Variants in NUBP1 observed in about 807,000 individuals in gnomAD.
The protein encoded by NUBP1 is NUBP iron-sulfur cluster assembly factor 1, cytosolic, also known as cytosolic Fe-S cluster assembly factor NUBP1.
Under a neutral mutation model 41.8 loss-of-function variants are expected in NUBP1, and 46 were observed. That is an observed-to-expected ratio of 1.10 (90% CI 0.87 to 1.41). The LOEUF is 1.41. Among genes scored for constraint, NUBP1 ranks in the 40% most tolerant of loss-of-function variants. NUBP1 has a pLI of 0.00. For missense variants in NUBP1, 494 were observed against 414.0 expected (o/e 1.19, Z -1.68); for synonymous variants, 189 against 154.6 (o/e 1.22, Z -1.65).
At chr16:10,764,662 T>C (rs927793843) in intron 9 of NUBP1, among the ~76,000 whole-genome samples, 2 of 151,000 alleles carry the variant, frequency 1.3e-5, no homozygotes, top group South Asian at 2.1e-4. Context: ...TGTCAGTCTA[T>C]TGGAGCATCT....
chr16:10,764,699 G>A (rs1361918840), intron 9 of NUBP1, among the ~76,000 whole-genome samples: 1 of 151,596 alleles, frequency 6.6e-6, no homozygotes, highest in Non-Finnish European at 1.5e-5. Context: ...GTCTATTGGA[G>A]CATCTCAGTC....
chr16:10,746,605 G>T (rs1391090984), intron 2 of NUBP1, among the ~76,000 whole-genome samples: 2 of 152,144 alleles, frequency 1.3e-5, no homozygotes, highest in Non-Finnish European at 2.9e-5. Context: ...GCCAGGCATG[G>T]TGGCAGGCAC....
Position 10,761,354 on chromosome 16 carries a change from A to C in NUBP1, c.607-10A>C. ...TGATGCTGGAATCACTGGTCTTTTC[A>C]CCTTCGTAGGAGGTGTCACTCCAGG... On this transcript the variant is annotated splice_polypyrimidine_tract_variant and intron_variant, in intron 7 of 10. Transcript: ENST00000283027. The C allele has an allele frequency of 6.2e-7, 1 of 1,612,932 alleles. No homozygotes were observed.
chr16:10,760,269 C>T (rs1900851826), intron 7 of NUBP1, among the ~76,000 whole-genome samples: 1 of 152,246 alleles, frequency 6.6e-6, no homozygotes. Context: ...GCCACTGTGG[C>T]ATGAAGCAGC....
Position 10,749,029 on chromosome 16 carries a change from C to T in NUBP1, c.258+1753C>T, listed in dbSNP as rs1309290693. Among the ~76,000 whole-genome samples the T allele has an allele frequency of 4.0e-5, 6 of 151,298 alleles. No individual in the cohort carries two copies. The highest frequency in any genetic ancestry group is 1.5e-4 in the African/African-American group (6 of 41,130). ...TCGTTTGAACCCAGGAGGCGGAGGT[C>T]GCGGTGGGCCAAGATTGCCCTACTG... is the stretch of plus-strand genomic sequence containing the variant. On this transcript the variant is annotated intron_variant, in intron 3 of 10. Coordinates refer to ENST00000283027, the MANE Select transcript of NUBP1 (RefSeq NM_002484.4). This position sits in a 1 kb window ranked among gnomAD's most constrained non-coding sequence, Gnocchi z 4.1.
At chr16:10,760,640 G>A (rs1048365784) in intron 7 of NUBP1, among the ~76,000 whole-genome samples, 4 of 152,208 alleles carry the variant, frequency 2.6e-5, no homozygotes, top group Non-Finnish European at 4.4e-5. Flanking sequence ...TGGAGGCTGA[G>A]GCAGGAGGAT....
chr16:10,761,801 C>G lies in NUBP1; in HGVS notation c.762C>G (p.Leu254=). The change falls in exon 9 of 11, where the codon CTC becomes CTG. Residue 254 remains leucine, a synonymous_variant. Coordinates refer to ENST00000283027, the MANE Select transcript of NUBP1 (RefSeq NM_002484.4). ...IFPPTTGGAE[L]MCQDLEVPLL... ...CTCCCACAACCGGGGGCGCGGAGCT[C>G]ATGTGCCAGGACTTGGAGGTCCCTC... 6.2e-7 allele frequency: 1 copy of G among 1,614,092 alleles called. No homozygotes were observed. Among genetic ancestry groups the G allele is most frequent in the African/African-American group, 1.3e-5 (1 of 75,048 alleles).
In NUBP1 at chr16:10,765,634, C is replaced by T. The variant is rs1035993316; in HGVS notation, c.821-2315C>T. 6.6e-5 allele frequency among the ~76,000 whole-genome samples: 10 copies of T among 152,318 alleles called. No individual in the cohort carries two copies. Among genetic ancestry groups the T allele is most frequent in the African/African-American group, 2.2e-4 (9 of 41,564 alleles). On this transcript the variant is annotated intron_variant, in intron 9 of 10. Transcript: ENST00000283027. The surrounding 1 kb of genome is among the most constrained non-coding windows in gnomAD (Gnocchi z 4.0). ...ACCTTGGGGCTATTAGATCCTGATACGGCTTTTCTTCCAAAGAGCCAGCAA... is the reference window on the plus strand; with the variant it reads ...ACCTTGGGGCTATTAGATCCTGATATGGCTTTTCTTCCAAAGAGCCAGCAA...
At chr16:10,762,548 C>T (rs561097766) in intron 9 of NUBP1, among the ~76,000 whole-genome samples, 8 of 152,140 alleles carry the variant, frequency 5.3e-5, no homozygotes, top group African/African-American at 9.7e-5. Context: ...CCCAGGACCG[C>T]GGAGCCGGGC....
intron 2 of NUBP1, among the ~76,000 whole-genome samples, chr16:10,745,776 T>C (rs977099915): frequency 2.6e-5 from 4 of 152,180 alleles, no homozygotes; most frequent in Admixed American, 2.6e-4. Context: ...AAAGAGGGAA[T>C]AAAGGAAGAA....
intron 2 of NUBP1, 33 bp downstream of exon 2, chr16:10,744,098 A>C (rs1250196404): frequency 1.5e-6 from 2 of 1,348,092 alleles, no homozygotes; most frequent in African/African-American, 3.1e-5. Context: ...ACAGGAACTT[A>C]GAGGCGCAGG....
chr16:10,763,607 G>C (rs951241455), intron 9 of NUBP1: 3 of 152,330 alleles, frequency 2.0e-5, no homozygotes, highest in Non-Finnish European at 4.4e-5. Flanking sequence ...TGCCCTCTGA[G>C]GCCCCTGGAG....
In NUBP1 at chr16:10,759,999, A is replaced by G. The variant is rs1264641511; in HGVS notation, c.607-1365A>G. Among the ~76,000 whole-genome samples, 2 of 152,226 alleles carry G rather than the reference A, an allele frequency of 1.3e-5. No homozygotes were observed. Among genetic ancestry groups the G allele is most frequent in the South Asian group, 4.1e-4 (2 of 4,834 alleles). On this transcript the variant is annotated intron_variant, in intron 7 of 10. Coordinates refer to ENST00000283027, the MANE Select transcript of NUBP1 (RefSeq NM_002484.4). The surrounding 1 kb of genome is among the most constrained non-coding windows in gnomAD (Gnocchi z 4.7). Reference sequence around the variant, plus strand: ...TGACAAGCCACAGCAGGACTTGGGTACAGGGATCTGTGATAACATTAACTG... The same window carrying G: ...TGACAAGCCACAGCAGGACTTGGGTGCAGGGATCTGTGATAACATTAACTG...
At position 10,749,512 on chromosome 16, in the gene NUBP1, T is replaced by G. The variant is rs1009507237; in HGVS notation, c.258+2236T>G. Among the ~76,000 whole-genome samples the G allele has an allele frequency of 6.6e-6, 1 of 152,206 alleles. No homozygotes were observed. Among genetic ancestry groups the G allele is most frequent in the Non-Finnish European group, 1.5e-5 (1 of 68,034 alleles). On this transcript the variant is annotated intron_variant, in intron 3 of 10. Coordinates refer to ENST00000283027, the MANE Select transcript of NUBP1 (RefSeq NM_002484.4). This position sits in a 1 kb window ranked among gnomAD's most constrained non-coding sequence, Gnocchi z 4.1. Reference sequence around the variant, plus strand: ...GGAAATATGGCTAGATCAGCTGTATTTTTTTATGCAGTGGTGGTTTAAAAA... The same window carrying G: ...GGAAATATGGCTAGATCAGCTGTATGTTTTTATGCAGTGGTGGTTTAAAAA...
intron 7 of NUBP1, 96 bp from the exon 8 acceptor site, chr16:10,761,268 C>T (rs566905285): frequency 2.4e-4 from 272 of 1,114,746 alleles, no homozygotes; most frequent in Middle Eastern, 8.1e-4. Flanking sequence ...GCTTTATGAT[C>T]GCAGATCCAC....
chr16:10,765,417 G>T lies in NUBP1; in HGVS notation c.821-2532G>T, dbSNP rs372748753. Among the ~76,000 whole-genome samples, 1 of 151,864 alleles carries T rather than the reference G, an allele frequency of 6.6e-6. No homozygotes were observed. Among genetic ancestry groups the T allele is most frequent in the Non-Finnish European group, 1.5e-5 (1 of 67,988 alleles). On this transcript the variant is annotated intron_variant, in intron 9 of 10. Coordinates refer to ENST00000283027, the MANE Select transcript of NUBP1 (RefSeq NM_002484.4). This position sits in a 1 kb window ranked among gnomAD's most constrained non-coding sequence, Gnocchi z 4.0. ...AGCTACTCAGGAGGCTGAGTTAGCA[G>T]GATCACTTGAGCCCAGGGAGGTTGA... is the stretch of plus-strand genomic sequence containing the variant.
At chr16:10,762,228 G>C (rs1344951027) in intron 9 of NUBP1, 1 of 178,786 alleles carries the variant, frequency 5.6e-6, no homozygotes, top group African/African-American at 2.4e-5. Context: ...AAATCCCTTA[G>C]GAAGGGGCCG....
Position 10,766,605 on chromosome 16 carries a change from C to T in NUBP1, c.821-1344C>T. On this transcript the variant is annotated intron_variant, in intron 9 of 10. Transcript: ENST00000283027. The surrounding 1 kb of genome is among the most constrained non-coding windows in gnomAD (Gnocchi z 4.8). ...AGCGAGTTCCACATGGTCTCATGGGCCCAGCGTTAACGGCGGAGGATGTCC... is the reference window on the plus strand; with the variant it reads ...AGCGAGTTCCACATGGTCTCATGGGTCCAGCGTTAACGGCGGAGGATGTCC... 5.5e-6 allele frequency: 1 copy of T among 183,254 alleles called. No homozygotes were observed. Among genetic ancestry groups the T allele is most frequent in the Non-Finnish European group, 1.1e-5 (1 of 89,342 alleles). 11.4% of individuals were successfully genotyped at this position (183,254 alleles called of 1,614,324 possible).
intron 7 of NUBP1, among the ~76,000 whole-genome samples, chr16:10,758,688 G>T (rs1900739999): frequency 6.6e-6 from 1 of 152,148 alleles, no homozygotes; most frequent in Non-Finnish European, 1.5e-5. Flanking sequence ...CATGTGTCAG[G>T]TCCCCCAGCC....
Sources: gnomAD v4.1 joint callset for allele counts (sites outside exome capture counted in the v4.1 genomes callset) on GRCh38, gnomAD v4.1.1 for gene constraint, Gnocchi (gnomAD v3.1) non-coding constraint, MANE v1.5 for transcripts, NCBI Gene and HGNC (gene_info 2026-07-23, HGNC 2026-07-21) for gene names.